PLS1: variants seen among roughly 807,000 people sequenced by gnomAD.
The protein encoded by PLS1 is plastin-1.
PLS1 carries 32 observed loss-of-function variants against 73.7 expected under a neutral mutation model. That is an observed-to-expected ratio of 0.43 (90% CI 0.33 to 0.58). PLS1 has a LOEUF of 0.58. PLS1 is among the 20% of genes least tolerant of loss of function. The pLI, the probability that PLS1 is intolerant of heterozygous loss-of-function variation, is 0.04. For synonymous variants in PLS1, 217 were observed against 261.3 expected (o/e 0.83, Z 1.63); for missense variants, 633 against 740.5 (o/e 0.85, Z 1.68).
At position 142,600,910 on chromosome 3, in the gene PLS1, A is replaced by T. The variant is rs1395674168; in HGVS notation, c.-37+4401A>T. On this transcript the variant is annotated intron_variant, in intron 1 of 15. Transcript: ENST00000457734. Reference sequence around the variant, plus strand: ...TATATATATATATATATATATATATATATATATTTTTTTTTTTTTTTTTTT... The same window carrying T: ...TATATATATATATATATATATATATTTATATATTTTTTTTTTTTTTTTTTT... 4.9e-3 allele frequency among the ~76,000 whole-genome samples: 120 copies of T among 24,422 alleles called. 7 individuals are homozygous for T. Among genetic ancestry groups the T allele is most frequent in the African/African-American group, 0.029 (92 of 3,190 alleles). The allele number at this position is 24,422 out of a possible 152,430, so 16.0% of individuals were successfully genotyped here. A position where few individuals can be genotyped will look rare whatever the true frequency, so the allele number is the denominator to read the frequency against.
chr3:142,665,038 A>T (rs558963793), intron 2 of PLS1, among the ~76,000 whole-genome samples: 1 of 151,738 alleles, frequency 6.6e-6, no homozygotes, highest in East Asian at 1.9e-4. Flanking sequence ...AAAGGTGAGC[A>T]CAGTGAATAG....
chr3:142,615,668 C>T (rs2036202564), intron 1 of PLS1, among the ~76,000 whole-genome samples: 4 of 152,012 alleles, frequency 2.6e-5, no homozygotes, highest in Non-Finnish European at 5.9e-5. Context: ...CCCAGGGAAA[C>T]CTAGTGAACA....
intron 4 of PLS1, 24 bp from the exon 5 acceptor site, chr3:142,676,133 C>T: frequency 6.3e-7 from 1 of 1,599,170 alleles, no homozygotes; most frequent in Non-Finnish European, 8.5e-7. Flanking sequence ...ATGAGATTTG[C>T]CTACCAAGGT....
chr3:142,637,182 A>G (rs1292625809), intron 1 of PLS1, among the ~76,000 whole-genome samples: 1 of 152,226 alleles, frequency 6.6e-6, no homozygotes, highest in Non-Finnish European at 1.5e-5. Context: ...TGATTTATCC[A>G]TTCAAAAGAA....
rs1289538320 is a variant in PLS1 at position 142,649,845 on chromosome 3, A to T, written c.-36-14357A>T. Among the ~76,000 whole-genome samples the T allele has an allele frequency of 1.3e-5, 2 of 152,152 alleles. 1 individual carries two copies. The highest frequency in any genetic ancestry group is 1.3e-4 in the Admixed American group (2 of 15,272). ...TGGGATTAGGTGAGGTGGTGGTAAA[A>T]TACAAATTATGACCAAAGTAGTGCC... On this transcript the variant is annotated intron_variant, in intron 1 of 15. Coordinates refer to ENST00000457734, the MANE Select transcript of PLS1 (RefSeq NM_001145319.2).
At chr3:142,663,649 C>G (rs1371106179) in intron 1 of PLS1, among the ~76,000 whole-genome samples, 1 of 152,078 alleles carries the variant, frequency 6.6e-6, no homozygotes, top group African/African-American at 2.4e-5. Context: ...CAGTGAGCCA[C>G]AATCATGCCA....
At chr3:142,622,288 C>G (rs1430311139) in intron 1 of PLS1, among the ~76,000 whole-genome samples, 2 of 152,064 alleles carry the variant, frequency 1.3e-5, no homozygotes, top group Non-Finnish European at 2.9e-5. Context: ...TAGACTGTAC[C>G]CATTTAAAGT....
At chr3:142,661,059 C>T (rs1200391479) in intron 1 of PLS1, among the ~76,000 whole-genome samples, 1 of 151,992 alleles carries the variant, frequency 6.6e-6, no homozygotes, top group African/African-American at 2.4e-5. Flanking sequence ...ATTTTGAATA[C>T]AGGAAAGGAT....
intron 1 of PLS1, among the ~76,000 whole-genome samples, chr3:142,605,827 C>G (rs1158929543): frequency 6.6e-6 from 1 of 152,166 alleles, no homozygotes; most frequent in African/African-American, 2.4e-5. Context: ...TCTCTTTCAT[C>G]TTGAACAAAG....
intron 10 of PLS1, among the ~76,000 whole-genome samples, chr3:142,690,376 C>A (rs184385137): frequency 6.6e-6 from 1 of 152,138 alleles, no homozygotes; most frequent in East Asian, 1.9e-4. Context: ...TCTGAATGTT[C>A]TTTTTATTAG....
chr3:142,697,858 T>A (rs1008485736), intron 11 of PLS1, 95 bp from the exon 12 acceptor site: 11 of 660,354 alleles, frequency 1.7e-5, no homozygotes, highest in Non-Finnish European at 3.0e-5. Flanking sequence ...TGACTTATGT[T>A]CTTAAAGATA....
intron 10 of PLS1, 61 bp downstream of exon 10, chr3:142,689,874 T>G: frequency 9.2e-7 from 1 of 1,082,030 alleles, no homozygotes; most frequent in South Asian, 1.6e-5. Context: ...ATTGTCTTAC[T>G]TCACTGTCAG....
At chr3:142,707,539 T>C (rs1288328074) in intron 14 of PLS1, among the ~76,000 whole-genome samples, 2 of 152,240 alleles carry the variant, frequency 1.3e-5, no homozygotes, top group African/African-American at 4.8e-5. Context: ...ATACAGCTTT[T>C]AAGCAGAACA....
intron 9 of PLS1, among the ~76,000 whole-genome samples, chr3:142,689,315 T>G (rs2038037304): frequency 6.6e-6 from 1 of 151,982 alleles, no homozygotes; most frequent in African/African-American, 2.4e-5. Flanking sequence ...TCCCAGCTAC[T>G]CAGGGGCTGA....
chr3:142,645,453 C>T (rs749813111), intron 1 of PLS1: 6 of 152,206 alleles, frequency 3.9e-5, no homozygotes, highest in Admixed American at 1.3e-4. Context: ...CTTGGAAGCA[C>T]GCTGGGTAGG....
intron 1 of PLS1, among the ~76,000 whole-genome samples, chr3:142,658,235 G>A (rs2107811015): frequency 6.6e-6 from 1 of 152,246 alleles, no homozygotes; most frequent in South Asian, 2.1e-4. Context: ...CACTTTGAGA[G>A]GCTGAGGCAG....
intron 1 of PLS1, among the ~76,000 whole-genome samples, chr3:142,619,235 C>G (rs924880819): frequency 1.3e-5 from 2 of 152,136 alleles, no homozygotes; most frequent in Non-Finnish European, 2.9e-5. Context: ...CACATTAAGC[C>G]TGCTTCTCTG....
At chr3:142,608,138 C>T (rs139717951) in intron 1 of PLS1, among the ~76,000 whole-genome samples, 33 of 152,266 alleles carry the variant, frequency 2.2e-4, no homozygotes, top group African/African-American at 7.5e-4. Context: ...ATGAGCCACC[C>T]ACTATGCCTG....
chr3:142,661,080 A>G (rs547560059), intron 1 of PLS1, among the ~76,000 whole-genome samples: 1 of 152,330 alleles, frequency 6.6e-6, no homozygotes, highest in African/African-American at 2.4e-5. Flanking sequence ...ATGCAGGATG[A>G]CTGAAACCAC....
Sources: gnomAD v4.1 joint callset for allele counts (sites outside exome capture counted in the v4.1 genomes callset) on GRCh38, gnomAD v4.1.1 for gene constraint, MANE v1.5 for transcripts, NCBI Gene and HGNC (gene_info 2026-07-23, HGNC 2026-07-21) for gene names.